ATP1A3: variants seen among roughly 807,000 people sequenced by gnomAD.
ATP1A3 encodes the protein sodium/potassium-transporting ATPase subunit alpha-3.
Under a neutral mutation model 108.8 loss-of-function variants are expected in ATP1A3, and 12 were observed. The observed-to-expected ratio is 0.11, with a 90% CI of 0.07 to 0.18. ATP1A3 has a LOEUF of 0.18. ATP1A3 is among the 10% of genes least tolerant of loss of function. ATP1A3 has a pLI of 1.00. For synonymous variants in ATP1A3, 539 were observed against 564.5 expected, an observed-to-expected ratio of 0.95 and a Z score of 0.64; for missense variants, 498 against 1,387.7, an observed-to-expected ratio of 0.36 and a Z score of 10.19.
At position 41,978,587 on chromosome 19, in the gene ATP1A3, C is replaced by T; in HGVS notation, c.1630+19G>A. ...CCTTGCCCTCCAGGGACCCCAGAGC[C>T]CGCCCGGCAGCCTCGCACCAAGCAC... On this transcript the variant is annotated intron_variant, in intron 12 of 22. Transcript: ENST00000648268. This position sits in a 1 kb window ranked among gnomAD's most constrained non-coding sequence, Gnocchi z 8.3. 6.2e-7 allele frequency: 1 copy of T among 1,611,784 alleles called. No homozygotes were observed.
At position 41,966,759 on chromosome 19, in the gene ATP1A3, C is replaced by T; in HGVS notation, c.*178G>A. 4.7e-6 allele frequency: 7 copies of T among 1,499,490 alleles called. No homozygotes were observed. The highest frequency in any genetic ancestry group is 6.2e-6 in the Non-Finnish European group (7 of 1,124,210). The allele number at this position is 1,499,490 out of a possible 1,614,324, so 92.9% of individuals were successfully genotyped here. ...AAAGAGAGAGGAGAGAGGTTTGGGG[C>T]AGGGGAGAGAAGCCAGCCAGAGTGG... On this transcript the variant is annotated 3_prime_UTR_variant, in exon 23 of 23. Transcript: ENST00000648268.
intron 16 of ATP1A3, among the ~76,000 whole-genome samples, chr19:41,972,804 GGGAAGGAAGGAAGGAAGGAA>G (rs782125486): frequency 5.6e-4 from 42 of 74,914 alleles, no homozygotes; most frequent in Middle Eastern, 8.5e-3. Flanking sequence ...AGGAAGGAAG[GGGAAGGAAGGAAGGAAGGAA>G]GGAAGGAAGG....
At chr19:41,984,731 G>A in intron 8 of ATP1A3, 187 bp downstream of exon 8, 1 of 655,792 alleles carries the variant, frequency 1.5e-6, no homozygotes, top group Non-Finnish European at 2.5e-6. Context: ...TGTGATCCAG[G>A]CCCCCAGCCC....
Position 41,978,586 on chromosome 19 carries a change from CCCGCCCGGCAG to C in ATP1A3, c.1630+9_1630+19del, listed in dbSNP as rs782569743. ...TCCTTGCCCTCCAGGGACCCCAGAG[CCCGCCCGGCAG>C]CCTCGCACCAAGCACGCGCTCGCCC... On this transcript the variant is annotated intron_variant, in intron 12 of 22. Coordinates refer to ENST00000648268, the MANE Select transcript of ATP1A3 (RefSeq NM_152296.5). This position sits in a 1 kb window ranked among gnomAD's most constrained non-coding sequence, Gnocchi z 8.3. 5 of 1,611,502 alleles carry C rather than the reference CCCGCCCGGCAG, an allele frequency of 3.1e-6. No individual in the cohort carries two copies. The East Asian group carries it at 1.1e-4, about 36-fold the overall frequency.
chr19:41,981,000 CTT>C (rs782504068), intron 11 of ATP1A3, among the ~76,000 whole-genome samples: 38 of 138,798 alleles, frequency 2.7e-4, no homozygotes, highest in Admixed American at 5.1e-4. Flanking sequence ...TGTAGGAAAA[CTT>C]TTTTTTTTTT....
chr19:41,985,521 A>G lies in ATP1A3; in HGVS notation c.607-98T>C. 8.1e-7 allele frequency: 1 copy of G among 1,238,432 alleles called. No individual in the cohort carries two copies. Among genetic ancestry groups the G allele is most frequent in the South Asian group, 1.2e-5 (1 of 80,542 alleles). 76.7% of individuals were successfully genotyped at this position (1,238,432 alleles called of 1,614,324 possible). On this transcript the variant is annotated intron_variant, in intron 6 of 22. Coordinates refer to ENST00000648268, the MANE Select transcript of ATP1A3 (RefSeq NM_152296.5). The surrounding 1 kb of genome is among the most constrained non-coding windows in gnomAD (Gnocchi z 8.2). ...GGGGCTGAAGCCTGTGTGCCTGGAG[A>G]TCACAGCTAGAAGCCTGGGTGCCCA...
At chr19:41,991,758 G>A (rs542088104) in intron 1 of ATP1A3, among the ~76,000 whole-genome samples, 2 of 152,150 alleles carry the variant, frequency 1.3e-5, no homozygotes, top group East Asian at 3.9e-4. Flanking sequence ...TCTGAGGGAG[G>A]AGGGGCAGGG....
At chr19:41,975,910 G>A (rs2075161596) in intron 15 of ATP1A3, 113 bp from the exon 16 acceptor site, 2 of 1,434,222 alleles carry the variant, frequency 1.4e-6, no homozygotes, top group Non-Finnish European at 9.8e-7. Context: ...TAGAAGTTCA[G>A]GTCCCCAACC....
At chr19:41,975,961 T>C (rs1194897399) in intron 15 of ATP1A3, among the ~76,000 whole-genome samples, 164 bp from the exon 16 acceptor site, 5 of 138,642 alleles carry the variant, frequency 3.6e-5, no homozygotes, top group East Asian at 2.3e-4. Flanking sequence ...CCTCCAGACC[T>C]TCCTCCCTCA....
chr19:41,993,081 C>T (rs1555867964), intron 1 of ATP1A3: 2 of 203,080 alleles, frequency 9.8e-6, no homozygotes, highest in South Asian at 6.3e-5. Context: ...AGCCTTTATC[C>T]GCCATCTTTC....
chr19:41,991,731 G>A (rs2075340305), intron 1 of ATP1A3, among the ~76,000 whole-genome samples: 2 of 152,118 alleles, frequency 1.3e-5, no homozygotes, highest in Non-Finnish European at 2.9e-5. Flanking sequence ...GAGAGGCTGG[G>A]GTCCTGGATC....
chr19:41,980,507 G>A (rs544559942), intron 11 of ATP1A3, among the ~76,000 whole-genome samples: 37 of 152,162 alleles, frequency 2.4e-4, no homozygotes, highest in African/African-American at 8.9e-4. Context: ...CCAGCTACTC[G>A]GGAGGCTGAG....
At chr19:41,980,173 G>A (rs1344943742) in intron 11 of ATP1A3, among the ~76,000 whole-genome samples, 4 of 152,208 alleles carry the variant, frequency 2.6e-5, no homozygotes, top group Admixed American at 6.5e-5. Flanking sequence ...CAACCACTAC[G>A]ATTACCTCCT....
At position 41,989,000 on chromosome 19, in the gene ATP1A3, A is replaced by T. The variant is rs1555866507; in HGVS notation, c.7-438T>A. Among the ~76,000 whole-genome samples the T allele has an allele frequency of 1.3e-5, 2 of 152,160 alleles. No individual in the cohort carries two copies. Among genetic ancestry groups the T allele is most frequent in the Admixed American group, 1.3e-4 (2 of 15,276 alleles). On this transcript the variant is annotated intron_variant, in intron 1 of 22. Transcript: ENST00000648268. The surrounding 1 kb of genome is among the most constrained non-coding windows in gnomAD (Gnocchi z 5.3). ...CACTCTGATGCCCAGGCTGGAGTGC[A>T]GCAATCACAGCTCACTGCAGCCTCG...
intron 15 of ATP1A3, 101 bp downstream of exon 15, chr19:41,976,315 C>T (rs370432758): frequency 2.0e-5 from 31 of 1,521,666 alleles, no homozygotes; most frequent in Non-Finnish European, 2.6e-5. Flanking sequence ...GGGTCCAGAC[C>T]CCCAGCCCCT....
chr19:41,993,893 CCCG>C, intron 1 of ATP1A3, 175 bp downstream of exon 1: 1 of 1,208,274 alleles, frequency 8.3e-7, no homozygotes, highest in Non-Finnish European at 1.1e-6. Context: ...CCACAGACCC[CCCG>C]CCGCCCCCTG....
intron 19 of ATP1A3, 80 bp downstream of exon 19, chr19:41,969,354 AG>A: frequency 1.9e-6 from 3 of 1,598,498 alleles, no homozygotes; most frequent in Non-Finnish European, 2.6e-6. Flanking sequence ...GGGCCATCGT[AG>A]GAAGTGGCCA....
In ATP1A3 at chr19:41,981,462, C is replaced by T. The variant is rs782060704; in HGVS notation, c.1437+40G>A. The T allele has an allele frequency of 6.2e-7, 1 of 1,614,090 alleles. No individual in the cohort carries two copies. The highest frequency in any genetic ancestry group is 1.7e-5 in the Admixed American group (1 of 60,016). ...ACCTCTTTACAGGCGTCATAAGGAA[C>T]CTGAGGTCCAGGCTGGCTCTCCCGG... On this transcript the variant is annotated intron_variant, in intron 11 of 22. Transcript: ENST00000648268. The surrounding 1 kb of genome is among the most constrained non-coding windows in gnomAD (Gnocchi z 5.0).
Position 41,968,738 on chromosome 19 carries a change from G to T in ATP1A3, c.2819+47C>A. On this transcript the variant is annotated intron_variant, in intron 20 of 22. Transcript: ENST00000648268. This position sits in a 1 kb window ranked among gnomAD's most constrained non-coding sequence, Gnocchi z 5.0. ...GAAGTACACAGACAGACAGACACTC[G>T]GACAGGACAGATGGCTGTCCAGTCA... The T allele has an allele frequency of 6.2e-7, 1 of 1,611,624 alleles. No individual in the cohort carries two copies. Among genetic ancestry groups the T allele is most frequent in the Non-Finnish European group, 8.5e-7 (1 of 1,178,446 alleles).
Sources: gnomAD v4.1 joint callset for allele counts (sites outside exome capture counted in the v4.1 genomes callset) on GRCh38, gnomAD v4.1.1 for gene constraint, Gnocchi (gnomAD v3.1) non-coding constraint, MANE v1.5 for transcripts, NCBI Gene and HGNC (gene_info 2026-07-23, HGNC 2026-07-21) for gene names.